RPS6KC1: variants seen among roughly 807,000 people sequenced by gnomAD.
The protein encoded by RPS6KC1 is ribosomal protein S6 kinase C1, also known as inactive ribosomal protein S6 kinase delta-1.
Under a neutral mutation model 103.8 loss-of-function variants are expected in RPS6KC1, and 54 were observed. The observed-to-expected ratio is 0.52, with a 90% confidence interval of 0.42 to 0.65. RPS6KC1 has a LOEUF of 0.65. Among genes scored for constraint, RPS6KC1 ranks in the 30% least tolerant of loss-of-function variants. The probability of loss-of-function intolerance (pLI) is 0.00; values close to 1 mark genes in which losing one functional copy is unlikely to be tolerated. For missense variants in RPS6KC1, 1,151 were observed against 1,253.8 expected (o/e 0.92, Z 1.24); for synonymous variants, 439 against 438.7 (o/e 1.00, Z -0.01).
the RPS6KC1 span, among the ~76,000 whole-genome samples, chr1:213,369,672 C>G: frequency 6.6e-6 from 1 of 152,218 alleles, no homozygotes; most frequent in African/African-American, 2.4e-5. Flanking sequence ...GTTTGGCTGT[C>G]TCCACTGATC....
At chr1:213,416,980 T>C in the RPS6KC1 span, among the ~76,000 whole-genome samples, 1 of 152,174 alleles carries the variant, frequency 6.6e-6, no homozygotes, top group Non-Finnish European at 1.5e-5. Context: ...GGTTTGCAGG[T>C]GGACTGCAGC....
At chr1:213,288,022 C>T in the RPS6KC1 span, among the ~76,000 whole-genome samples, 2 of 152,216 alleles carry the variant, frequency 1.3e-5, no homozygotes, top group African/African-American at 4.8e-5. Flanking sequence ...CCTATTCTCT[C>T]CGCACTAGGC....
chr1:213,778,683 A>T, the RPS6KC1 span, among the ~76,000 whole-genome samples: 5 of 152,094 alleles, frequency 3.3e-5, no homozygotes. Context: ...TGAGTACAAC[A>T]AGCAGGAATC....
intron 12 of RPS6KC1, among the ~76,000 whole-genome samples, chr1:213,252,648 TC>T (rs945371060): frequency 2.2e-4 from 33 of 152,294 alleles, no homozygotes; most frequent in African/African-American, 6.0e-4. Context: ...ATGGTTTTTT[TC>T]CCCCAAAGAG....
At chr1:213,205,547 G>GTATATATATAT (rs2093320673) in intron 8 of RPS6KC1, among the ~76,000 whole-genome samples, 1 of 102,452 alleles carries the variant, frequency 9.8e-6, no homozygotes, top group African/African-American at 3.7e-5. Flanking sequence ...TATATATATA[G>GTATATATATAT]ATATATATAT....
the RPS6KC1 span, among the ~76,000 whole-genome samples, chr1:213,748,392 T>C: frequency 2.0e-5 from 3 of 152,222 alleles, no homozygotes; most frequent in African/African-American, 7.2e-5. Context: ...TGAGGTCTAC[T>C]GGACATTATC....
At chr1:213,501,137 T>A in the RPS6KC1 span, among the ~76,000 whole-genome samples, 1 of 152,198 alleles carries the variant, frequency 6.6e-6, no homozygotes, top group African/African-American at 2.4e-5. Context: ...AGTGGTTACA[T>A]ATGAAATAGT....
At chr1:213,521,101 G>A in the RPS6KC1 span, among the ~76,000 whole-genome samples, 1 of 151,972 alleles carries the variant, frequency 6.6e-6, no homozygotes, top group Non-Finnish European at 1.5e-5. Flanking sequence ...ACTTAATGAT[G>A]TATCTTTTCA....
chr1:213,823,654 T>C, the RPS6KC1 span, among the ~76,000 whole-genome samples: 2 of 151,910 alleles, frequency 1.3e-5, no homozygotes, highest in South Asian at 4.2e-4. Context: ...ATTTCCATTT[T>C]CTCCAGCCAA....
At chr1:213,098,816 T>G (rs965857214) in intron 3 of RPS6KC1, among the ~76,000 whole-genome samples, 4 of 152,198 alleles carry the variant, frequency 2.6e-5, no homozygotes, top group African/African-American at 7.2e-5. Context: ...CACATGCTGT[T>G]GGAAAAATGT....
the RPS6KC1 span, among the ~76,000 whole-genome samples, chr1:213,628,110 G>T: frequency 6.6e-6 from 1 of 151,940 alleles, no homozygotes; most frequent in Non-Finnish European, 1.5e-5. Context: ...AGCCTGTTTG[G>T]TCTATTCAGA....
chr1:213,203,868 C>T (rs1475048017), intron 8 of RPS6KC1, among the ~76,000 whole-genome samples: 2 of 152,152 alleles, frequency 1.3e-5, no homozygotes, highest in South Asian at 2.1e-4. Flanking sequence ...GACTTGGTAG[C>T]TTTTACCTGT....
intron 8 of RPS6KC1, among the ~76,000 whole-genome samples, chr1:213,222,615 T>C (rs192117902): frequency 1.3e-5 from 2 of 152,222 alleles, no homozygotes; most frequent in East Asian, 3.9e-4. Flanking sequence ...TAGACCCCAG[T>C]TGGGAGAATT....
the RPS6KC1 span, among the ~76,000 whole-genome samples, chr1:213,630,753 TG>T: frequency 1.3e-5 from 2 of 152,104 alleles, no homozygotes; most frequent in Non-Finnish European, 2.9e-5. Flanking sequence ...GATGGGGTTT[TG>T]GTGTGGATGT....
the RPS6KC1 span, among the ~76,000 whole-genome samples, chr1:213,288,135 C>G: frequency 3.3e-5 from 5 of 152,184 alleles, no homozygotes; most frequent in African/African-American, 1.2e-4. Flanking sequence ...CATCACTACT[C>G]CAGGGAGAAA....
the RPS6KC1 span, among the ~76,000 whole-genome samples, chr1:213,595,398 C>T: frequency 1.3e-5 from 2 of 152,212 alleles, no homozygotes; most frequent in African/African-American, 4.8e-5. Flanking sequence ...GCTCTCCAGT[C>T]CCTACCAGAG....
the RPS6KC1 span, among the ~76,000 whole-genome samples, chr1:213,503,169 A>G: frequency 4.2e-4 from 63 of 150,316 alleles, 3 homozygotes; most frequent in African/African-American, 1.5e-3. Context: ...CTCCTTTGTA[A>G]TTTTGGTTTG....
intron 12 of RPS6KC1, among the ~76,000 whole-genome samples, chr1:213,258,295 G>A (rs1558646813): frequency 2.0e-5 from 3 of 152,178 alleles, no homozygotes; most frequent in Admixed American, 6.5e-5. Context: ...GTAGAGATGC[G>A]GTTTCGCCAT....
At chr1:213,749,281 G>A in the RPS6KC1 span, among the ~76,000 whole-genome samples, 1 of 152,234 alleles carries the variant, frequency 6.6e-6, no homozygotes, top group Admixed American at 6.5e-5. Flanking sequence ...GGACAGCCAT[G>A]TGCATGGAGT....
Sources: allele counts gnomAD v4.1 joint callset (sites outside exome capture counted in the v4.1 genomes callset), GRCh38; gene constraint gnomAD v4.1.1; transcripts MANE v1.5; gene names NCBI Gene and HGNC (gene_info 2026-07-23, HGNC 2026-07-21).